Variants in KCNU1 observed in about 807,000 individuals in gnomAD.
KCNU1 encodes potassium channel subfamily U member 1.
KCNU1 carries 93 observed loss-of-function variants against 126.8 expected under a neutral mutation model. The observed-to-expected ratio is 0.73, with a 90% confidence interval of 0.62 to 0.87. The LOEUF (loss-of-function observed/expected upper bound fraction) is 0.87, where lower values mean the gene tolerates loss of function less well. Ranked by LOEUF, KCNU1 falls within the 40% of genes least tolerant of loss-of-function variation. The pLI is 0.00. For missense variants in KCNU1, 1,330 were observed against 1,367.1 expected, an observed-to-expected ratio of 0.97 and a Z score of 0.43; for synonymous variants, 523 against 494.2, an observed-to-expected ratio of 1.06 and a Z score of -0.77.
chr8:36,815,856 T>C (rs1803891460), intron 9 of KCNU1, among the ~76,000 whole-genome samples, 169 bp downstream of exon 9: 1 of 152,042 alleles, frequency 6.6e-6, no homozygotes, highest in South Asian at 2.1e-4. Flanking sequence ...CGTAAGAAAA[T>C]GATATTTGCT....
At chr8:36,888,779 G>A (rs778436125) in intron 19 of KCNU1, 22 of 531,440 alleles carry the variant, frequency 4.1e-5, no homozygotes, top group South Asian at 2.4e-4. Context: ...ATCAATCAAC[G>A]AAAAACTTGA....
chr8:36,822,449 G>T (rs1048890179), intron 10 of KCNU1, among the ~76,000 whole-genome samples: 1 of 151,952 alleles, frequency 6.6e-6, no homozygotes, highest in Non-Finnish European at 1.5e-5. Context: ...TCACCCAGCT[G>T]AGCCCAGTCA....
At chr8:36,855,286 T>A (rs2117304315) in intron 18 of KCNU1, among the ~76,000 whole-genome samples, 1 of 152,298 alleles carries the variant, frequency 6.6e-6, no homozygotes, top group East Asian at 1.9e-4. Context: ...TGGTCTTCAA[T>A]TTGCCCTGCT....
At chr8:36,888,860 A>T (rs765833509) in intron 19 of KCNU1, 2 of 457,794 alleles carry the variant, frequency 4.4e-6, no homozygotes, top group Non-Finnish European at 8.9e-6. Flanking sequence ...ATCTTTGCTA[A>T]TTTTAAAAAC....
chr8:36,873,524 G>A (rs1563308435), intron 19 of KCNU1, among the ~76,000 whole-genome samples: 1 of 152,188 alleles, frequency 6.6e-6, no homozygotes, highest in Admixed American at 6.5e-5. Flanking sequence ...GAACAAGTGA[G>A]TGTGGAATCT....
chr8:36,814,284 C>T lies in KCNU1; in HGVS notation c.810C>T (p.Val270=), dbSNP rs1803828888. ...NISYFESIYL[V]MATTSTVGFG... is the part of the protein sequence containing the mutation. Reference sequence around the variant, plus strand: ...CATATTTTGAGTCAATTTACCTGGTCATGGCAACAACGTCAACCGTTGGAT... The same window carrying T: ...CATATTTTGAGTCAATTTACCTGGTTATGGCAACAACGTCAACCGTTGGAT... The change falls in exon 8 of 27, where the codon GTC becomes GTT. Residue 270 remains valine (V), a synonymous_variant. Transcript: ENST00000399881. 1 of 1,612,776 alleles carries T rather than the reference C, an allele frequency of 6.2e-7. No individual in the cohort carries two copies. The highest frequency in any genetic ancestry group is 8.5e-7 in the Non-Finnish European group (1 of 1,179,204).
At chr8:36,799,655 C>T (rs916702568) in intron 2 of KCNU1, among the ~76,000 whole-genome samples, 2 of 151,462 alleles carry the variant, frequency 1.3e-5, no homozygotes, top group African/African-American at 2.4e-5. Flanking sequence ...CTGTCTCAGC[C>T]TTCTGAGTAG....
chr8:36,927,464 C>G (rs1808569493), intron 24 of KCNU1, among the ~76,000 whole-genome samples: 1 of 152,108 alleles, frequency 6.6e-6, no homozygotes, highest in African/African-American at 2.4e-5. Context: ...AAAAGACTTT[C>G]AAAACTAGAT....
At chr8:36,926,607 T>C (rs1297517645) in intron 24 of KCNU1, among the ~76,000 whole-genome samples, 2 of 152,156 alleles carry the variant, frequency 1.3e-5, no homozygotes, top group African/African-American at 2.4e-5. Flanking sequence ...TCTTCTCTAT[T>C]CTGAGACAGT....
intron 23 of KCNU1, among the ~76,000 whole-genome samples, chr8:36,922,006 T>G (rs1808367620): frequency 6.6e-6 from 1 of 152,196 alleles, no homozygotes; most frequent in Admixed American, 6.6e-5. Flanking sequence ...ATATGTGCAT[T>G]ACATTTTGAA....
intron 13 of KCNU1, 39 bp downstream of exon 13, chr8:36,836,404 A>G: frequency 7.4e-7 from 1 of 1,352,292 alleles, no homozygotes; most frequent in Non-Finnish European, 1.1e-6. Context: ...TCCTCCTTTT[A>G]TCTATATAGC....
intron 19 of KCNU1, among the ~76,000 whole-genome samples, chr8:36,903,633 T>C (rs182591822): frequency 8.6e-4 from 131 of 152,276 alleles, no homozygotes; most frequent in African/African-American, 3.1e-3. Context: ...ATTGCAGAAT[T>C]CCTTTTATAT....
intron 19 of KCNU1, among the ~76,000 whole-genome samples, chr8:36,893,125 C>T (rs1187085043): frequency 6.8e-6 from 1 of 146,642 alleles, no homozygotes; most frequent in Non-Finnish European, 1.5e-5. Flanking sequence ...CCATGCCTAG[C>T]TACTTTTTGT....
intron 18 of KCNU1, among the ~76,000 whole-genome samples, chr8:36,855,280 C>A (rs1039184109): frequency 2.0e-5 from 3 of 152,064 alleles, no homozygotes; most frequent in East Asian, 1.9e-4. Flanking sequence ...TTCATTTGGT[C>A]TTCAATTTGC....
intron 18 of KCNU1, among the ~76,000 whole-genome samples, chr8:36,860,427 C>A (rs1015365369): frequency 1.3e-5 from 2 of 152,066 alleles, no homozygotes; most frequent in African/African-American, 4.8e-5. Flanking sequence ...TAGGGCTAAG[C>A]CTTCAGAGTA....
chr8:36,829,498 A>G (rs1452016039), intron 10 of KCNU1, among the ~76,000 whole-genome samples: 3 of 151,792 alleles, frequency 2.0e-5, no homozygotes, highest in Non-Finnish European at 4.4e-5. Flanking sequence ...TACTGCATTA[A>G]TACTACAGTC....
chr8:36,918,551 T>C (rs1162810912), intron 22 of KCNU1, among the ~76,000 whole-genome samples: 1 of 149,326 alleles, frequency 6.7e-6, no homozygotes, highest in Admixed American at 6.7e-5. Context: ...CAAGACCCTG[T>C]TTCAAAAAAG....
intron 19 of KCNU1, among the ~76,000 whole-genome samples, chr8:36,881,829 CACACACACA>C (rs1806492835): frequency 2.0e-5 from 3 of 151,704 alleles, no homozygotes; most frequent in Admixed American, 2.0e-4. Context: ...CACACACACA[CACACACACA>C]CACACATTCA....
chr8:36,865,489 G>A (rs1337602784), intron 19 of KCNU1, among the ~76,000 whole-genome samples: 1 of 151,860 alleles, frequency 6.6e-6, no homozygotes, highest in Non-Finnish European at 1.5e-5. Context: ...GATAGGGCTG[G>A]GCATAGCAGC....
Sources: gnomAD v4.1 joint callset for allele counts (sites outside exome capture counted in the v4.1 genomes callset) on GRCh38, gnomAD v4.1.1 for gene constraint, MANE v1.5 for transcripts, NCBI Gene and HGNC (gene_info 2026-07-23, HGNC 2026-07-21) for gene names.